The following PDE1C variants were observed in gnomAD, a reference collection of about 807,000 sequenced individuals.
The protein encoded by PDE1C is phosphodiesterase 1C.
Under a neutral mutation model 93.1 loss-of-function variants are expected in PDE1C, and 62 were observed. That is an observed-to-expected ratio of 0.67 (90% confidence interval 0.54 to 0.82). The LOEUF (loss-of-function observed/expected upper bound fraction) is 0.82. Among genes scored for constraint, PDE1C ranks in the 40% least tolerant of loss-of-function variants. The pLI, the probability that PDE1C is intolerant of heterozygous loss-of-function variation, is 0.00. For missense variants in PDE1C, 742 were observed against 884.6 expected, an observed-to-expected ratio of 0.84 and a Z score of 2.04; for synonymous variants, 325 against 310.1, an observed-to-expected ratio of 1.05 and a Z score of -0.50.
At chr7:32,020,940 T>C (rs1788581767) in intron 2 of PDE1C, among the ~76,000 whole-genome samples, 2 of 152,178 alleles carry the variant, frequency 1.3e-5, no homozygotes, top group South Asian at 4.1e-4. Flanking sequence ...GGCAGCCATA[T>C]TTCTCTGCTG....
chr7:31,622,215 G>A, the PDE1C span, among the ~76,000 whole-genome samples: 1 of 143,702 alleles, frequency 7.0e-6, no homozygotes, highest in Non-Finnish European at 1.5e-5. Context: ...AAGTCAACAA[G>A]GATACCCAGG....
chr7:31,910,230 C>T (rs538840584), intron 2 of PDE1C, among the ~76,000 whole-genome samples: 5 of 152,316 alleles, frequency 3.3e-5, no homozygotes, highest in Non-Finnish European at 7.4e-5. Context: ...TTGACTCTTA[C>T]TCTTCTCTTA....
chr7:31,990,703 G>C (rs1784048446), intron 2 of PDE1C, among the ~76,000 whole-genome samples: 1 of 152,190 alleles, frequency 6.6e-6, no homozygotes, highest in Non-Finnish European at 1.5e-5. Flanking sequence ...AAATTTGCTT[G>C]AATTCTGCTC....
chr7:32,084,307 C>G (rs976260436), intron 3 of PDE1C, among the ~76,000 whole-genome samples: 4 of 151,444 alleles, frequency 2.6e-5, no homozygotes, highest in Non-Finnish European at 1.5e-5. Context: ...GCTAACTATC[C>G]TAAATATATA....
At chr7:31,827,565 C>A (rs1789844885) in intron 12 of PDE1C, among the ~76,000 whole-genome samples, 1 of 151,960 alleles carries the variant, frequency 6.6e-6, no homozygotes, top group Non-Finnish European at 1.5e-5. Context: ...TCTAGCAGTG[C>A]CCAATATATG....
chr7:32,165,184 T>C (rs1299347667), intron 3 of PDE1C, among the ~76,000 whole-genome samples: 1 of 152,212 alleles, frequency 6.6e-6, no homozygotes, highest in South Asian at 2.1e-4. Context: ...TATTTAACTT[T>C]GTATGTGTAG....
intron 1 of PDE1C, among the ~76,000 whole-genome samples, chr7:32,282,131 C>A (rs12536686): frequency 0.4 from 59,851 of 149,332 alleles, 12,606 homozygotes; most frequent in East Asian, 0.53. Flanking sequence ...ACGTTGTGCA[C>A]ATGTACCCTA....
At chr7:32,268,259 G>C (rs1340772016) in intron 1 of PDE1C, among the ~76,000 whole-genome samples, 1 of 152,158 alleles carries the variant, frequency 6.6e-6, no homozygotes, top group Non-Finnish European at 1.5e-5. Context: ...TTGTGGTCTG[G>C]TGACTACAGG....
intron 2 of PDE1C, among the ~76,000 whole-genome samples, chr7:31,986,923 A>G (rs1234181480): frequency 7.6e-6 from 1 of 131,656 alleles, no homozygotes; most frequent in Non-Finnish European, 1.6e-5. Context: ...GTTTTCATTG[A>G]ACACGAACAC....
intron 3 of PDE1C, among the ~76,000 whole-genome samples, chr7:32,156,937 C>A (rs567119740): frequency 5.9e-5 from 9 of 152,166 alleles, no homozygotes; most frequent in Non-Finnish European, 1.3e-4. Context: ...CAACTTTAAC[C>A]AGTGATCAAA....
intron 7 of PDE1C, among the ~76,000 whole-genome samples, chr7:31,856,516 T>C (rs1220671090): frequency 6.6e-6 from 1 of 152,200 alleles, no homozygotes; most frequent in Non-Finnish European, 1.5e-5. Context: ...TGGTGAGAGT[T>C]GAAGAAGCTG....
chr7:31,772,042 T>C (rs1375482007), intron 17 of PDE1C, among the ~76,000 whole-genome samples: 3 of 116,338 alleles, frequency 2.6e-5, no homozygotes, highest in African/African-American at 1.0e-4. Flanking sequence ...CGGGACTCCG[T>C]CTCAAAAAAA....
chr7:31,917,826 C>A (rs1802119718), intron 2 of PDE1C, among the ~76,000 whole-genome samples: 1 of 152,130 alleles, frequency 6.6e-6, no homozygotes. Context: ...TATCAAATGA[C>A]TTGCAAAAAA....
chr7:31,896,894 G>A (rs1799388844), intron 2 of PDE1C, among the ~76,000 whole-genome samples: 1 of 152,198 alleles, frequency 6.6e-6, no homozygotes, highest in Non-Finnish European at 1.5e-5. Context: ...CCTGACAAGT[G>A]CTTTCTAAAC....
intron 2 of PDE1C, among the ~76,000 whole-genome samples, chr7:31,968,207 A>T (rs1584249672): frequency 6.6e-6 from 1 of 152,016 alleles, no homozygotes; most frequent in African/African-American, 2.4e-5. Context: ...TATCTAGAAA[A>T]CCCCATCGTC....
At chr7:32,206,783 C>T (rs1356367184) in intron 2 of PDE1C, among the ~76,000 whole-genome samples, 1 of 152,250 alleles carries the variant, frequency 6.6e-6, no homozygotes, top group East Asian at 1.9e-4. Flanking sequence ...CCCAGGACAG[C>T]TGGCCTTGTG....
intron 1 of PDE1C, among the ~76,000 whole-genome samples, chr7:32,291,646 A>C (rs1364369246): frequency 1.3e-5 from 2 of 152,216 alleles, no homozygotes; most frequent in Non-Finnish European, 2.9e-5. Flanking sequence ...TTACTTCATG[A>C]ATAATTTCAC....
chr7:31,635,604 C>A, the PDE1C span, among the ~76,000 whole-genome samples: 3 of 152,182 alleles, frequency 2.0e-5, no homozygotes, highest in African/African-American at 7.2e-5. Flanking sequence ...ATTACTCTTT[C>A]TACCTTTTAG....
chr7:32,036,150 T>C (rs749910877), intron 2 of PDE1C, among the ~76,000 whole-genome samples: 1 of 152,146 alleles, frequency 6.6e-6, no homozygotes, highest in African/African-American at 2.4e-5. Flanking sequence ...CTCCTATAAA[T>C]GGAATTCCTT....
Sources: gnomAD v4.1 joint callset for allele counts (sites outside exome capture counted in the v4.1 genomes callset) on GRCh38, gnomAD v4.1.1 for gene constraint, MANE v1.5 for transcripts, NCBI Gene and HGNC (gene_info 2026-07-23, HGNC 2026-07-21) for gene names.